Variants in TET1 observed in about 807,000 individuals in gnomAD.
The protein encoded by TET1 is tet methylcytosine dioxygenase 1, also known as methylcytosine dioxygenase TET1.
In TET1, 13 loss-of-function variants were observed where a neutral mutation model predicts 148.7. The observed-to-expected ratio is 0.09, with a 90% CI of 0.06 to 0.14. The LOEUF (loss-of-function observed/expected upper bound fraction) is 0.14. TET1 is among the 10% of genes least tolerant of loss of function. TET1 has a pLI of 1.00. For missense variants in TET1, 2,182 were observed against 2,553.8 expected (o/e 0.85, Z 3.14); for synonymous variants, 907 against 937.2 (o/e 0.97, Z 0.59).
At chr10:68,676,115 A>G (rs2055345270) in intron 8 of TET1, among the ~76,000 whole-genome samples, 1 of 149,770 alleles carries the variant, frequency 6.7e-6, no homozygotes, top group South Asian at 2.1e-4. Flanking sequence ...TCAGCCTCCC[A>G]AAGTGCTGGG....
chr10:68,635,743 C>T (rs761927995), intron 3 of TET1, among the ~76,000 whole-genome samples: 1 of 152,126 alleles, frequency 6.6e-6, no homozygotes, highest in African/African-American at 2.4e-5. Flanking sequence ...GTAATCCCAG[C>T]CTTTTGGGAG....
At position 68,646,336 on chromosome 10, in the gene TET1, C is replaced by T. The variant is rs1419622422; in HGVS notation, c.3607C>T (p.Pro1203Ser). Residue 1203 changes from proline (P) to serine (S), a missense_variant, in exon 4 of 12, where the codon CCA (proline) becomes TCA (serine). Around this residue, in one of 11 missense-constraint regions of TET1, gnomAD observed 582 missense variants for 599.5 expected, o/e 0.97. Coordinates refer to ENST00000373644, the MANE Select transcript of TET1 (RefSeq NM_030625.3). ...SKFQNFGQFC[P>S]HDFPTVFGKI... ...ATTTCAAAATTTTGGGCAATTTTGT[C>T]CACATGATTTTCCTACTGTATTTGG... 2 of 1,614,102 alleles carry T rather than the reference C, an allele frequency of 1.2e-6. No individual in the cohort carries two copies. Among genetic ancestry groups the T allele is most frequent in the Non-Finnish European group, 1.7e-6 (2 of 1,180,014 alleles).
At position 68,572,379 on chromosome 10, in the gene TET1, G is replaced by C; in HGVS notation, c.41G>C (p.Arg14Thr). 2 of 1,609,736 alleles carry C rather than the reference G, an allele frequency of 1.2e-6. No homozygotes were observed. Among genetic ancestry groups the C allele is most frequent in the South Asian group, 2.2e-5 (2 of 90,034 alleles). The part of the protein sequence containing the change: ...SRHARPSRLV[R>T]KEDVNKKKKN... ...CATGCAAGGCCTTCCAGATTAGTCA[G>C]GAAGGAAGATGTAAACAAAAAAAAG... The change falls in exon 2 of 12, where the codon AGG (arginine) becomes ACG (threonine). Residue 14 changes from arginine to threonine, a missense_variant. By Grantham distance (71) the Arg-to-Thr change is moderately conservative. Around this residue, in one of 11 missense-constraint regions of TET1, gnomAD observed 665 missense variants for 672.4 expected, o/e 0.99. Coordinates refer to ENST00000373644, the MANE Select transcript of TET1 (RefSeq NM_030625.3).
At chr10:68,569,767 C>A (rs1431905685) in intron 1 of TET1, among the ~76,000 whole-genome samples, 1 of 151,534 alleles carries the variant, frequency 6.6e-6, no homozygotes, top group Non-Finnish European at 1.5e-5. Context: ...AACAGGGAGA[C>A]CTGTTTCAAA....
At chr10:68,584,589 A>T (rs2053839317) in intron 2 of TET1, among the ~76,000 whole-genome samples, 1 of 149,856 alleles carries the variant, frequency 6.7e-6, no homozygotes, top group South Asian at 2.1e-4. Flanking sequence ...TGCACCTGTA[A>T]TCCCAGCTAT....
Position 68,645,780 on chromosome 10 carries a change from C to T in TET1, c.3051C>T (p.Thr1017=). Reference sequence around the variant, plus strand: ...AATCAAATTCATCCAAGATTGACACCAATAAAAGTATTGCTCAAGGGATAA... The same window carrying T: ...AATCAAATTCATCCAAGATTGACACTAATAAAAGTATTGCTCAAGGGATAA... ...IPKSNSSKID[T]NKSIAQGIIT... The change falls in exon 4 of 12, where the codon ACC becomes ACT. Residue 1017 remains threonine, a synonymous_variant. Coordinates refer to ENST00000373644, the MANE Select transcript of TET1 (RefSeq NM_030625.3). 6.2e-7 allele frequency: 1 copy of T among 1,613,758 alleles called. No homozygotes were observed. The highest frequency in any genetic ancestry group is 1.7e-5 in the Admixed American group (1 of 59,986).
chr10:68,629,912 G>A (rs971170688), intron 3 of TET1, among the ~76,000 whole-genome samples: 1 of 152,176 alleles, frequency 6.6e-6, no homozygotes, highest in African/African-American at 2.4e-5. Context: ...ACGATTGGAA[G>A]TGCTACATAC....
intron 2 of TET1, among the ~76,000 whole-genome samples, chr10:68,589,872 G>GC (rs2053900066): frequency 6.6e-6 from 1 of 151,708 alleles, no homozygotes; most frequent in Non-Finnish European, 1.5e-5. Context: ...GGGCTTCACT[G>GC]TGTTGGCCAG....
chr10:68,568,415 G>T (rs2053630779), intron 1 of TET1, among the ~76,000 whole-genome samples: 1 of 151,588 alleles, frequency 6.6e-6, no homozygotes, highest in African/African-American at 2.4e-5. Context: ...TAGAGACAGG[G>T]TTTCACCATG....
chr10:68,683,861 CT>C (rs944537491), intron 10 of TET1, among the ~76,000 whole-genome samples: 3 of 152,200 alleles, frequency 2.0e-5, no homozygotes, highest in Non-Finnish European at 2.9e-5. Flanking sequence ...GGTATGCCTA[CT>C]ATGTTTATAG....
chr10:68,644,558 C>A, intron 3 of TET1, 140 bp from the exon 4 acceptor site: 1 of 798,178 alleles, frequency 1.3e-6, no homozygotes, highest in Non-Finnish European at 1.8e-6. Context: ...TATGACTTCG[C>A]TGAATGTGTG....
At position 68,686,277 on chromosome 10, in the gene TET1, C is replaced by G. The variant is rs2055506773; in HGVS notation, c.5053-79C>G. On this transcript the variant is annotated intron_variant, in intron 10 of 11. Coordinates refer to ENST00000373644, the MANE Select transcript of TET1 (RefSeq NM_030625.3). ...ATACAAATCTCTTTCCCAAAGGCAA[C>G]AACACGAAGGTAGGAATAGCCACAA... 16 of 1,249,758 alleles carry G rather than the reference C, an allele frequency of 1.3e-5. 1 individual carries two copies. In the South Asian group the frequency reaches 2.3e-4, roughly 18 times the overall value. 77.4% of individuals were successfully genotyped at this position (1,249,758 alleles called of 1,614,324 possible).
intron 11 of TET1, among the ~76,000 whole-genome samples, chr10:68,687,726 C>T (rs1159173043): frequency 6.6e-6 from 1 of 151,998 alleles, no homozygotes; most frequent in Admixed American, 6.6e-5. Context: ...GTAGCTGAGA[C>T]TGTAGTGTGT....
At chr10:68,635,929 A>G (rs2054643910) in intron 3 of TET1, among the ~76,000 whole-genome samples, 1 of 152,232 alleles carries the variant, frequency 6.6e-6, no homozygotes. Flanking sequence ...GAAGATCTAC[A>G]TTTTAGAGAG....
chr10:68,570,684 C>T (rs189174590), intron 1 of TET1, among the ~76,000 whole-genome samples: 119 of 151,888 alleles, frequency 7.8e-4, no homozygotes, highest in Admixed American at 7.1e-3. Context: ...GGCTGGAGTG[C>T]AGTGGCGTGA....
At chr10:68,584,923 C>T (rs974125285) in intron 2 of TET1, among the ~76,000 whole-genome samples, 4 of 151,686 alleles carry the variant, frequency 2.6e-5, no homozygotes, top group Non-Finnish European at 5.9e-5. Context: ...CGGGTTCAAG[C>T]GATTTTCCTG....
intron 2 of TET1, among the ~76,000 whole-genome samples, chr10:68,596,025 C>CATATAT (rs1270482577): frequency 5.4e-3 from 305 of 55,996 alleles, no homozygotes; most frequent in Non-Finnish European, 8.2e-3. Flanking sequence ...CACACACACA[C>CATATAT]ACATATATAT....
chr10:68,587,477 A>G (rs1402018208), intron 2 of TET1, among the ~76,000 whole-genome samples: 1 of 152,144 alleles, frequency 6.6e-6, no homozygotes, highest in Non-Finnish European at 1.5e-5. Context: ...CACAGAAGTT[A>G]AGTTGCTTTC....
Position 68,572,773 on chromosome 10 carries a change from C to A in TET1, c.435C>A (p.Leu145=), listed in dbSNP as rs182545044. 2 of 1,614,176 alleles carry A rather than the reference C, an allele frequency of 1.2e-6. No individual in the cohort carries two copies. The highest frequency in any genetic ancestry group is 1.7e-5 in the Admixed American group (1 of 60,008). ...AACATGATTGTGATTATAAGATACTCCCTGCTTTGGGAGTAAAGCACTCAG... is the reference window on the plus strand; with the variant it reads ...AACATGATTGTGATTATAAGATACTACCTGCTTTGGGAGTAAAGCACTCAG... ...EKQHDCDYKI[L]PALGVKHSEN... Residue 145 remains leucine, a synonymous_variant, in exon 2 of 12, where the codon CTC becomes CTA. Transcript: ENST00000373644.
Sources: gnomAD v4.1 joint callset for allele counts (sites outside exome capture counted in the v4.1 genomes callset) on GRCh38, gnomAD v4.1.1 for gene constraint, gnomAD v4.1.1 regional missense constraint, MANE v1.5 for transcripts, NCBI Gene and HGNC (gene_info 2026-07-23, HGNC 2026-07-21) for gene names.